The following PLEKHG4B variants were observed in gnomAD, a reference collection of about 807,000 sequenced individuals.
PLEKHG4B encodes pleckstrin homology and RhoGEF domain containing G4B.
PLEKHG4B carries 111 observed loss-of-function variants against 121.3 expected under a neutral mutation model. That is an observed-to-expected ratio of 0.92 (90% CI 0.78 to 1.07). The LOEUF (loss-of-function observed/expected upper bound fraction) is 1.07. Among genes scored for constraint, PLEKHG4B ranks in the 50% least tolerant of loss-of-function variants. The pLI is 0.00. For synonymous variants in PLEKHG4B, 738 were observed against 725.0 expected, an observed-to-expected ratio of 1.02 and a Z score of -0.29; for missense variants, 1,831 against 1,757.8, an observed-to-expected ratio of 1.04 and a Z score of -0.74.
At chr5:144,727 G>A (rs918105322) in intron 5 of PLEKHG4B, 100 bp from the exon 6 acceptor site, 1 of 1,046,640 alleles carries the variant, frequency 9.6e-7, no homozygotes, top group Non-Finnish European at 1.4e-6. Flanking sequence ...TTCTAGAGCT[G>A]AAAGGAAACC....
intron 2 of PLEKHG4B, among the ~76,000 whole-genome samples, chr5:133,893 C>G (rs533076602): frequency 1.7e-4 from 25 of 143,522 alleles, no homozygotes; most frequent in African/African-American, 6.7e-4. Flanking sequence ...GCCCACCAAT[C>G]GAGTGGATAA....
intron 18 of PLEKHG4B, chr5:179,758 T>C (rs895775755): frequency 5.2e-5 from 8 of 152,538 alleles, no homozygotes; most frequent in African/African-American, 1.9e-4. Context: ...ATTACACGTA[T>C]GACCCTTTTA....
rs1000116120 is a variant in PLEKHG4B, at chr5:187,889, G to A, written c.*5566G>A. The A allele has an allele frequency of 6.6e-6, 1 of 152,298 alleles. No individual in the cohort carries two copies. The highest frequency in any genetic ancestry group is 2.4e-5 in the African/African-American group (1 of 41,442). The allele number at this position is 152,298 out of a possible 1,614,324, so 9.4% of individuals were successfully genotyped here. On this transcript the variant is annotated 3_prime_UTR_variant, in exon 20 of 20. Coordinates refer to ENST00000637938, the MANE Select transcript of PLEKHG4B (RefSeq NM_052909.5). ...GCAGGGGACCCTTGGCCCCAGGGTG[G>A]TCGTCTTCCCAGGAGGTCCGCCTGT...
At position 156,068 on chromosome 5, in the gene PLEKHG4B, CA is replaced by C. The variant is rs747729607; in HGVS notation, c.2209-2del. On this transcript the variant is annotated splice_acceptor_variant, in intron 9 of 19. Coordinates refer to ENST00000637938, the MANE Select transcript of PLEKHG4B (RefSeq NM_052909.5). LOFTEE classifies it high-confidence loss of function. The surrounding 1 kb of genome is among the most constrained non-coding windows in gnomAD (Gnocchi z 4.4). ...AAGGCTTATTCCTCCCCATCCCGTG[CA>C]GGAAGTCGCCGAGTTAATTGACCAG... is the stretch of plus-strand genomic sequence containing the variant. 6 of 1,576,090 alleles carry C rather than the reference CA, an allele frequency of 3.8e-6. No individual in the cohort carries two copies. The East Asian group carries it at 1.4e-4, about 36-fold the overall frequency.
Position 182,029 on chromosome 5 carries a change from G to T in PLEKHG4B, c.4590G>T (p.Ala1530=). ...GTESQMRGST[A]VSSSDHAAPF... is the part of the protein sequence containing the mutation. Reference sequence around the variant, plus strand: ...AGTCACAAATGAGAGGGTCCACAGCGGTGTCCTCCTCTGACCACGCCGCCC... The same window carrying T: ...AGTCACAAATGAGAGGGTCCACAGCTGTGTCCTCCTCTGACCACGCCGCCC... Residue 1530 remains alanine, a synonymous_variant, in exon 20 of 20, where the codon GCG becomes GCT. Transcript: ENST00000637938. The T allele has an allele frequency of 1.2e-6, 2 of 1,614,070 alleles. No individual in the cohort carries two copies. The highest frequency in any genetic ancestry group is 1.3e-5 in the African/African-American group (1 of 75,040).
In PLEKHG4B at chr5:129,243, C is replaced by T. The variant is rs1734707849; in HGVS notation, c.244-10240C>T. Among the ~76,000 whole-genome samples, 2 of 152,196 alleles carry T rather than the reference C, an allele frequency of 1.3e-5. 1 individual carries two copies. Among genetic ancestry groups the T allele is most frequent in the South Asian group, 4.1e-4 (2 of 4,822 alleles). ...TTAAGGTACAAAAGGAGACATTTGC[C>T]ATCATTCTCACTGAAGCCTGCTACT... On this transcript the variant is annotated intron_variant, in intron 2 of 19. Transcript: ENST00000637938.
In PLEKHG4B at chr5:154,932, A is replaced by C; in HGVS notation, c.2050A>C (p.Thr684Pro). ...VHKFVDSCQL[T>P]ADLDGSFPYS... ...CAAATTTGTTGACAGCTGCCAGCTG[A>C]CCGCAGACCTCGACGGCTCCTTTCC... Residue 684 changes from threonine (T) to proline (P), a missense_variant, in exon 8 of 20, where the codon ACC (threonine) becomes CCC (proline). Thr to Pro is a conservative substitution (Grantham distance 38). Coordinates refer to ENST00000637938, the MANE Select transcript of PLEKHG4B (RefSeq NM_052909.5). The C allele has an allele frequency of 6.2e-7, 1 of 1,613,714 alleles. No individual in the cohort carries two copies.
intron 13 of PLEKHG4B, among the ~76,000 whole-genome samples, chr5:164,985 C>CAG (rs1187008871): frequency 1.9e-5 from 1 of 52,210 alleles, no homozygotes; most frequent in South Asian, 6.9e-4. Flanking sequence ...GGAGCTCACA[C>CAG]TAATGCTCTG....
At chr5:92,728 C>G (rs1487197488) in intron 1 of PLEKHG4B, among the ~76,000 whole-genome samples, 2 of 151,674 alleles carry the variant, frequency 1.3e-5, no homozygotes, top group African/African-American at 2.4e-5. Context: ...TGAAGGGGAG[C>G]CAGGGGAGGG....
intron 18 of PLEKHG4B, 44 bp from the exon 19 acceptor site, chr5:181,470 C>T (rs1357980043): frequency 1.9e-6 from 3 of 1,590,044 alleles, no homozygotes; most frequent in Admixed American, 3.4e-5. Flanking sequence ...GTGGCATTAG[C>T]CCCCGAGTTG....
chr5:135,187 C>CAAAAAAAAAAA (rs35601775), intron 2 of PLEKHG4B, among the ~76,000 whole-genome samples: 5 of 48,780 alleles, frequency 1.0e-4, no homozygotes, highest in African/African-American at 2.5e-4. Flanking sequence ...GACTCCAGCT[C>CAAAAAAAAAAA]AAAAAAAAAA....
chr5:181,882 G>T, intron 19 of PLEKHG4B, 122 bp from the exon 20 acceptor site: 20 of 1,316,480 alleles, frequency 1.5e-5, no homozygotes, highest in Non-Finnish European at 2.1e-5. Context: ...TGGTGGGTTG[G>T]ATGGGCATGA....
intron 1 of PLEKHG4B, among the ~76,000 whole-genome samples, chr5:108,657 T>C (rs551979946): frequency 1.0e-4 from 14 of 135,340 alleles, no homozygotes; most frequent in Admixed American, 1.5e-4. Context: ...TGGCTGGGTG[T>C]AGACAGACTG....
intron 1 of PLEKHG4B, among the ~76,000 whole-genome samples, chr5:112,575 T>G (rs1471445904): frequency 6.6e-6 from 1 of 152,236 alleles, no homozygotes; most frequent in African/African-American, 2.4e-5. Flanking sequence ...AAAAGCATGT[T>G]GCACCAAAAT....
chr5:111,191 A>G (rs930240617), intron 1 of PLEKHG4B, among the ~76,000 whole-genome samples: 1 of 152,294 alleles, frequency 6.6e-6, no homozygotes, highest in Admixed American at 6.5e-5. Context: ...CACAGGACTC[A>G]GGAGCATTCG....
chr5:178,074 G>A (rs1289455232), intron 18 of PLEKHG4B, among the ~76,000 whole-genome samples: 1 of 152,222 alleles, frequency 6.6e-6, no homozygotes, highest in Admixed American at 6.5e-5. Context: ...GTGTGCTTAG[G>A]AAATTGTATG....
chr5:136,638 C>G (rs1734991528), intron 2 of PLEKHG4B, among the ~76,000 whole-genome samples: 1 of 152,162 alleles, frequency 6.6e-6, no homozygotes, highest in East Asian at 1.9e-4. Flanking sequence ...ATTGTGATAG[C>G]TTTTAAAGGA....
chr5:155,476 C>A, intron 9 of PLEKHG4B, 33 bp downstream of exon 9: 1 of 1,540,506 alleles, frequency 6.5e-7, no homozygotes, highest in Non-Finnish European at 9.0e-7. Flanking sequence ...AAGTTCATTT[C>A]ATGTGACAGG....
rs151235352 is a variant in PLEKHG4B at position 144,671 on chromosome 5, G to A, written c.1812-156G>A. ...GTCAGTGCCTCCAGCCGATGGGCCT[G>A]CACCTTCGGGAAGTGGAAGGTTGAT... is the stretch of plus-strand genomic sequence containing the variant. On this transcript the variant is annotated intron_variant, in intron 5 of 19. Coordinates refer to ENST00000637938, the MANE Select transcript of PLEKHG4B (RefSeq NM_052909.5). Among the ~76,000 whole-genome samples the A allele has an allele frequency of 2.8e-3, 419 of 152,338 alleles. 4 individuals carry two copies. The highest frequency in any genetic ancestry group is 9.5e-3 in the African/African-American group (396 of 41,578).
Sources: gnomAD v4.1 joint callset for allele counts (sites outside exome capture counted in the v4.1 genomes callset) on GRCh38, gnomAD v4.1.1 for gene constraint, Gnocchi (gnomAD v3.1) non-coding constraint, MANE v1.5 for transcripts, NCBI Gene and HGNC (gene_info 2026-07-23, HGNC 2026-07-21) for gene names.